Variants in ZNF608 observed in about 807,000 individuals in gnomAD.
ZNF608 encodes the protein zinc finger protein 608.
ZNF608 carries 12 observed loss-of-function variants against 109.0 expected under a neutral mutation model. The ratio of observed to expected loss-of-function variants is 0.11; its 90% CI spans 0.07 to 0.18. The LOEUF (loss-of-function observed/expected upper bound fraction) is 0.18, where lower values mean the gene tolerates loss of function less well. ZNF608 is among the 10% of genes least tolerant of loss of function. The pLI, the probability that ZNF608 is intolerant of heterozygous loss-of-function variation, is 1.00. For synonymous variants in ZNF608, 732 were observed against 717.4 expected, an observed-to-expected ratio of 1.02 and a Z score of -0.33; for missense variants, 1,707 against 1,879.3, an observed-to-expected ratio of 0.91 and a Z score of 1.70.
intron 3 of ZNF608, among the ~76,000 whole-genome samples, chr5:124,690,772 T>G (rs529467631): frequency 2.6e-5 from 4 of 151,826 alleles, no homozygotes; most frequent in African/African-American, 4.8e-5. Context: ...AATCGCCAAG[T>G]AACTAACAAG....
intron 2 of ZNF608, among the ~76,000 whole-genome samples, chr5:124,728,789 G>C (rs367829116): frequency 3.6e-4 from 54 of 152,068 alleles, no homozygotes; most frequent in African/African-American, 1.3e-3. Context: ...TGTTGCTTGC[G>C]TTGTAGACTC....
chr5:124,676,574 A>G (rs890606610), intron 3 of ZNF608, among the ~76,000 whole-genome samples: 1 of 152,196 alleles, frequency 6.6e-6, no homozygotes, highest in African/African-American at 2.4e-5. Context: ...AGCAAAACAA[A>G]TCTTTAAAAA....
intron 2 of ZNF608, among the ~76,000 whole-genome samples, chr5:124,705,573 C>T (rs779035909): frequency 3.3e-5 from 5 of 152,150 alleles, no homozygotes; most frequent in African/African-American, 4.8e-5. Flanking sequence ...TTCCAAAGCT[C>T]CTTTTTATAT....
chr5:124,661,536 AG>A (rs1275280950), intron 3 of ZNF608, among the ~76,000 whole-genome samples: 1 of 151,708 alleles, frequency 6.6e-6, no homozygotes, highest in Non-Finnish European at 1.5e-5. Context: ...ACGTGCTTAG[AG>A]ACCAGCTCTT....
Position 124,745,139 on chromosome 5 carries a change from G to GGATTT in ZNF608, c.-155_-151dup. ...TTTCCTGCCCCACGAATGTGTCCAG[G>GGATTT]GATTTTACACCCTCAGTCCAGGTCC... is the stretch of plus-strand genomic sequence containing the variant. On this transcript the variant is annotated 5_prime_UTR_variant, in exon 2 of 10. Coordinates refer to ENST00000513986, the MANE Select transcript of ZNF608 (RefSeq NM_020747.3). 1 of 1,437,702 alleles carries GGATTT rather than the reference G, an allele frequency of 7.0e-7. No homozygotes were observed. Among genetic ancestry groups the GGATTT allele is most frequent in the South Asian group, 1.5e-5 (1 of 64,794 alleles). 89.1% of individuals were successfully genotyped at this position (1,437,702 alleles called of 1,614,324 possible).
At chr5:124,729,056 C>CT (rs1748758872) in intron 2 of ZNF608, among the ~76,000 whole-genome samples, 1 of 152,194 alleles carries the variant, frequency 6.6e-6, no homozygotes, top group Non-Finnish European at 1.5e-5. Flanking sequence ...GCCCTTTAAG[C>CT]GCTCATCTGC....
rs116624054 is a variant in ZNF608, at chr5:124,655,747, C to G, written c.1163-6050G>C. ...CATTTCTTTGTTCAGGACTCCCTCC[C>G]CCCATTATTATGTTGTCGTCACTCT... On this transcript the variant is annotated intron_variant, in intron 3 of 9. Transcript: ENST00000513986. 2.7e-3 allele frequency among the ~76,000 whole-genome samples: 409 copies of G among 152,348 alleles called. 1 individual carries two copies. Among genetic ancestry groups the G allele is most frequent in the Middle Eastern group, 6.8e-3 (2 of 294 alleles).
intron 3 of ZNF608, among the ~76,000 whole-genome samples, chr5:124,655,938 C>T (rs1239927107): frequency 6.6e-6 from 1 of 152,102 alleles, no homozygotes; most frequent in African/African-American, 2.4e-5. Context: ...ACCTGCCAGC[C>T]AAAAATCAGA....
chr5:124,647,044 G>A lies in ZNF608; in HGVS notation c.3340C>T (p.Leu1114=), dbSNP rs371545787. 2.5e-6 allele frequency: 4 copies of A among 1,613,760 alleles called. No homozygotes were observed. In the African/African-American group the frequency reaches 5.3e-5, roughly 22 times the overall value. ...QYEKYYEDQR[L]AEQKMAQTGR... The stretch of plus-strand genomic sequence containing the variant: ...GTCTGGGCCATTTTCTGCTCTGCCA[G>A]CCTCTGGTCCTCATAGTACTTCTCA... Residue 1114 remains leucine, a synonymous_variant, in exon 5 of 10, where the codon CTG becomes TTG. Coordinates refer to ENST00000513986, the MANE Select transcript of ZNF608 (RefSeq NM_020747.3).
chr5:124,745,251 A>T, intron 1 of ZNF608, 79 bp from the exon 2 acceptor site: 1 of 1,247,988 alleles, frequency 8.0e-7, no homozygotes. Flanking sequence ...TTGGGGAATC[A>T]GTAAAGGGGA....
intron 2 of ZNF608, among the ~76,000 whole-genome samples, chr5:124,718,406 C>T (rs1444689020): frequency 1.3e-5 from 2 of 152,168 alleles, no homozygotes; most frequent in African/African-American, 2.4e-5. Flanking sequence ...CAGAATTGTA[C>T]GAACTCTTTG....
intron 7 of ZNF608, among the ~76,000 whole-genome samples, chr5:124,642,269 G>C (rs1176599543): frequency 6.6e-6 from 1 of 152,076 alleles, no homozygotes; most frequent in African/African-American, 2.4e-5. Context: ...CTTTTTTGGG[G>C]AAGAGCCATC....
Position 124,746,483 on chromosome 5 carries a change from C to G in ZNF608, c.-472G>C. The G allele has an allele frequency of 1.0e-6, 1 of 984,744 alleles. No homozygotes were observed. The highest frequency in any genetic ancestry group is 1.2e-6 in the Non-Finnish European group (1 of 829,748). 61.0% of individuals were successfully genotyped at this position (984,744 alleles called of 1,614,324 possible). A position where few individuals can be genotyped will look rare whatever the true frequency, so the allele number is the denominator to read the frequency against. On this transcript the variant is annotated 5_prime_UTR_variant, in exon 1 of 10. Coordinates refer to ENST00000513986, the MANE Select transcript of ZNF608 (RefSeq NM_020747.3). ...CAGAAGCACCAAAGGTTTTTTTTTC[C>G]TCTTAACAAGCATCGAGAATAATAG...
At chr5:124,681,589 G>GA (rs1431638851) in intron 3 of ZNF608, among the ~76,000 whole-genome samples, 1 of 151,812 alleles carries the variant, frequency 6.6e-6, no homozygotes, top group Non-Finnish European at 1.5e-5. Context: ...AAAATAGAAA[G>GA]AAAAAAAATT....
chr5:124,659,749 A>G (rs936121287), intron 3 of ZNF608, among the ~76,000 whole-genome samples: 1 of 152,204 alleles, frequency 6.6e-6, no homozygotes, highest in Non-Finnish European at 1.5e-5. Flanking sequence ...ATAGGACTGT[A>G]TCTTAAAGTA....
At chr5:124,717,911 C>A (rs1324383706) in intron 2 of ZNF608, among the ~76,000 whole-genome samples, 2 of 152,168 alleles carry the variant, frequency 1.3e-5, no homozygotes, top group African/African-American at 2.4e-5. Context: ...AAAATGAATC[C>A]TATGGCTGGC....
rs771247304 is a variant in ZNF608, at chr5:124,648,091, T to C, written c.2293A>G (p.Ile765Val). The change falls in exon 5 of 10, where the codon ATA becomes GTA. Residue 765 changes from isoleucine (I) to valine (V), a missense_variant. Around this residue, in one of 7 missense-constraint regions of ZNF608, gnomAD observed 1,073 missense variants for 1,133.5 expected, o/e 0.95. Transcript: ENST00000513986. Reference sequence around the variant, plus strand: ...GTTGTGAGGGAGGGCAGTCCGGGTATTGTCCCAGTGGTGGTCGTTGTAAAG... The same window carrying C: ...GTTGTGAGGGAGGGCAGTCCGGGTACTGTCCCAGTGGTGGTCGTTGTAAAG... ...ATFTTTTTGT[I>V]PGLPSLTTTV... The C allele has an allele frequency of 1.1e-5, 18 of 1,614,146 alleles. No individual in the cohort carries two copies. The highest frequency in any genetic ancestry group is 8.3e-5 in the Admixed American group (5 of 60,020).
At chr5:124,638,978 T>C (rs1750108562) in intron 9 of ZNF608, among the ~76,000 whole-genome samples, 155 bp downstream of exon 9, 1 of 152,232 alleles carries the variant, frequency 6.6e-6, no homozygotes. Flanking sequence ...TTAAGTTGCA[T>C]GTGAAGCAAC....
chr5:124,648,247 C>A lies in ZNF608; in HGVS notation c.2137G>T (p.Asp713Tyr). The A allele has an allele frequency of 6.2e-7, 1 of 1,614,144 alleles. No individual in the cohort carries two copies. Among genetic ancestry groups the A allele is most frequent in the Non-Finnish European group, 8.5e-7 (1 of 1,180,050 alleles). Reference sequence around the variant, plus strand: ...GTAGCTTTTTTGCCCTTTTCTTTATCTCCTAAATTTTTCTTGTCAATTAAT... The same window carrying A: ...GTAGCTTTTTTGCCCTTTTCTTTATATCCTAAATTTTTCTTGTCAATTAAT... ...EGLIDKKNLG[D>Y]KEKGKKATNC... The change falls in exon 5 of 10, where the codon GAT becomes TAT. Residue 713 changes from aspartate (D) to tyrosine (Y), a missense_variant. By Grantham distance (160) the Asp-to-Tyr change is radical (BLOSUM62 -3). Transcript: ENST00000513986.
Sources: allele counts gnomAD v4.1 joint callset (sites outside exome capture counted in the v4.1 genomes callset), GRCh38; gene constraint gnomAD v4.1.1; regional missense constraint gnomAD v4.1.1; transcripts MANE v1.5; gene names NCBI Gene and HGNC (gene_info 2026-07-23, HGNC 2026-07-21).